PIK3C2G: variants seen among roughly 807,000 people sequenced by gnomAD.
PIK3C2G encodes the protein phosphatidylinositol 3-kinase C2 domain-containing subunit gamma.
In PIK3C2G, 168 loss-of-function variants were observed where a neutral mutation model predicts 181.1. That is an observed-to-expected ratio of 0.93 (90% CI 0.82 to 1.05). The LOEUF (loss-of-function observed/expected upper bound fraction) is 1.05, where lower values mean the gene tolerates loss of function less well. Ranked by LOEUF, PIK3C2G falls within the 50% of genes least tolerant of loss-of-function variation. PIK3C2G has a pLI of 0.00. For missense variants in PIK3C2G, 1,869 were observed against 1,732.8 expected, an observed-to-expected ratio of 1.08 and a Z score of -1.40; for synonymous variants, 573 against 592.2, an observed-to-expected ratio of 0.97 and a Z score of 0.47.
At chr12:18,696,304 A>G in the PIK3C2G span, 2 of 794,330 alleles carry the variant, frequency 2.5e-6, no homozygotes, top group Non-Finnish European at 1.9e-6. Context: ...AAAGAATTCA[A>G]ATAAATTTAA....
rs532176589 is a variant in PIK3C2G at position 18,385,780 on chromosome 12, G to C, written c.1995+3900G>C. On this transcript the variant is annotated intron_variant, in intron 14 of 32. Transcript: ENST00000538779. ...ACGGTTTCACCATGATGGCCAAGTT[G>C]GTTTCGAACTCCTGACCTCAGGTAA... Among the ~76,000 whole-genome samples, 4 of 152,114 alleles carry C rather than the reference G, an allele frequency of 2.6e-5. No homozygotes were observed. The East Asian group carries it at 7.8e-4, about 29-fold the overall frequency.
intron 1 of PIK3C2G, among the ~76,000 whole-genome samples, chr12:18,251,638 AAG>A (rs1245244526): frequency 3.9e-5 from 6 of 152,196 alleles, no homozygotes; most frequent in African/African-American, 1.4e-4. Flanking sequence ...TTAAAATTTG[AAG>A]AGTCATACTA....
At chr12:18,649,903 T>C (rs12368644), downstream of PIK3C2G, among the ~76,000 whole-genome samples, 1 of 152,120 alleles carries the variant, frequency 6.6e-6, no homozygotes, top group South Asian at 2.1e-4. Flanking sequence ...TAGTCTTCTG[T>C]GTGGGAGCAT....
intron 5 of PIK3C2G, among the ~76,000 whole-genome samples, chr12:18,297,238 T>C (rs1949979466): frequency 6.6e-6 from 1 of 152,086 alleles, no homozygotes; most frequent in South Asian, 2.1e-4. Context: ...TTCATAAATA[T>C]ATTGATAATA....
chr12:18,478,941 C>T (rs182380308), intron 18 of PIK3C2G, among the ~76,000 whole-genome samples: 5 of 149,652 alleles, frequency 3.3e-5, no homozygotes, highest in Middle Eastern at 3.5e-3. Flanking sequence ...CACCACTGCA[C>T]TCCAGTCTGG....
chr12:18,607,145 A>C (rs1948072735), intron 30 of PIK3C2G: 1 of 516,486 alleles, frequency 1.9e-6, no homozygotes, highest in Admixed American at 2.0e-5. Context: ...ATGACCACAC[A>C]AACTATTTTG....
intron 24 of PIK3C2G, among the ~76,000 whole-genome samples, chr12:18,524,265 G>C (rs1943096207): frequency 6.6e-6 from 1 of 152,182 alleles, no homozygotes; most frequent in Non-Finnish European, 1.5e-5. Flanking sequence ...TGCTGTGCTA[G>C]CTTGAAGGAG....
intron 15 of PIK3C2G, among the ~76,000 whole-genome samples, chr12:18,398,889 T>G (rs1052425065): frequency 1.3e-5 from 2 of 152,132 alleles, no homozygotes; most frequent in African/African-American, 4.8e-5. Context: ...GATGAAGAAA[T>G]ATCATTACTA....
intron 14 of PIK3C2G, among the ~76,000 whole-genome samples, chr12:18,386,966 A>T (rs2138013952): frequency 6.6e-6 from 1 of 152,220 alleles, no homozygotes; most frequent in South Asian, 2.1e-4. Flanking sequence ...ATAGCCACAT[A>T]CTTGCTGAAA....
intron 29 of PIK3C2G, among the ~76,000 whole-genome samples, chr12:18,588,864 G>A (rs933612254): frequency 6.6e-6 from 1 of 152,092 alleles, no homozygotes; most frequent in Admixed American, 6.6e-5. Context: ...ATGGCAGGTT[G>A]GATGAAGAAA....
intron 28 of PIK3C2G, among the ~76,000 whole-genome samples, chr12:18,564,833 A>G (rs771465451): frequency 1.4e-4 from 22 of 152,344 alleles, no homozygotes; most frequent in Non-Finnish European, 2.6e-4. Context: ...TGAGAAGAAT[A>G]TGTTAATCTT....
At chr12:18,355,539 T>C (rs1259700015) in intron 11 of PIK3C2G, among the ~76,000 whole-genome samples, 5 of 152,070 alleles carry the variant, frequency 3.3e-5, no homozygotes, top group Admixed American at 1.3e-4. Context: ...GGGGAAGGCA[T>C]GCAGAGAGCA....
intron 16 of PIK3C2G, among the ~76,000 whole-genome samples, chr12:18,415,580 T>A (rs1283671679): frequency 6.6e-6 from 1 of 152,204 alleles, no homozygotes; most frequent in African/African-American, 2.4e-5. Flanking sequence ...GAGTTATATG[T>A]CTTCCACTTT....
chr12:18,669,779 T>A, the PIK3C2G span, among the ~76,000 whole-genome samples: 1 of 152,114 alleles, frequency 6.6e-6, no homozygotes, highest in South Asian at 2.1e-4. Flanking sequence ...TGCCTCAGCC[T>A]CCTGAGTAGC....
intron 11 of PIK3C2G, among the ~76,000 whole-genome samples, chr12:18,351,803 T>G (rs1297785346): frequency 6.6e-6 from 1 of 152,210 alleles, no homozygotes; most frequent in African/African-American, 2.4e-5. Flanking sequence ...CATGCATAGC[T>G]TATGACTTGG....
At chr12:18,545,508 A>ATT (rs202080878) in intron 25 of PIK3C2G, among the ~76,000 whole-genome samples, 1 of 145,948 alleles carries the variant, frequency 6.9e-6, no homozygotes, top group African/African-American at 2.5e-5. Context: ...AACAGTCTTC[A>ATT]TTTTTTTTTT....
At chr12:18,348,165 A>G (rs1939860617) in intron 11 of PIK3C2G, among the ~76,000 whole-genome samples, 1 of 151,988 alleles carries the variant, frequency 6.6e-6, no homozygotes, top group African/African-American at 2.4e-5. Flanking sequence ...TAGGGCATGC[A>G]TTTATATATG....
At chr12:18,258,444 C>T (rs889404547), upstream of PIK3C2G, among the ~76,000 whole-genome samples, 1 of 152,056 alleles carries the variant, frequency 6.6e-6, no homozygotes, top group Non-Finnish European at 1.5e-5. Flanking sequence ...CCCAGTCTCC[C>T]TCCCACAGCT....
intron 31 of PIK3C2G, among the ~76,000 whole-genome samples, chr12:18,633,559 T>C (rs1949452781): frequency 6.6e-6 from 1 of 152,186 alleles, no homozygotes; most frequent in Admixed American, 6.6e-5. Flanking sequence ...GAGTGGTCGT[T>C]GTAGTATTCT....
Sources: gnomAD v4.1 joint callset for allele counts (sites outside exome capture counted in the v4.1 genomes callset) on GRCh38, gnomAD v4.1.1 for gene constraint, MANE v1.5 for transcripts, NCBI Gene and HGNC (gene_info 2026-07-23, HGNC 2026-07-21) for gene names.